Variants in TMC1 observed in about 807,000 individuals in gnomAD.
TMC1 encodes the protein transmembrane channel-like protein 1.
Under a neutral mutation model 105.8 loss-of-function variants are expected in TMC1, and 84 were observed. That is an observed-to-expected ratio of 0.79 (90% CI 0.67 to 0.95). The LOEUF is 0.95. Among genes scored for constraint, TMC1 ranks in the 40% least tolerant of loss-of-function variants. The probability of loss-of-function intolerance (pLI) is 0.00; values close to 1 mark genes in which losing one functional copy is unlikely to be tolerated. For missense variants in TMC1, 817 were observed against 914.1 expected, an observed-to-expected ratio of 0.89 and a Z score of 1.37; for synonymous variants, 315 against 311.5, an observed-to-expected ratio of 1.01 and a Z score of -0.12.
rs1222503212 is a variant in TMC1 at position 72,805,510 on chromosome 9, T to C, written c.1695T>C (p.Tyr565=). 1.3e-5 allele frequency: 21 copies of C among 1,609,236 alleles called. No homozygotes were observed. The highest frequency in any genetic ancestry group is 1.6e-5 in the Non-Finnish European group (19 of 1,177,900). The change falls in exon 18 of 24, where the codon TAT becomes TAC. Residue 565 remains tyrosine, a splice_region_variant and synonymous_variant. Transcript: ENST00000297784. ...YCWCWDLEYG[Y]PSYTEFDISG... Reference sequence around the variant, plus strand: ...GGTGCTGGGACTTGGAGTATGGATATGTAAGTATGATGTTAATTTTGCTTT... The same window carrying C: ...GGTGCTGGGACTTGGAGTATGGATACGTAAGTATGATGTTAATTTTGCTTT...
intron 1 of TMC1, among the ~76,000 whole-genome samples, chr9:72,564,231 T>C (rs1824108606): frequency 6.6e-6 from 1 of 152,156 alleles, no homozygotes; most frequent in Admixed American, 6.5e-5. Context: ...AGGGAAAACA[T>C]CAAATTATGT....
chr9:72,808,082 G>A (rs1296428042), intron 18 of TMC1, among the ~76,000 whole-genome samples: 2 of 152,194 alleles, frequency 1.3e-5, no homozygotes, highest in Non-Finnish European at 2.9e-5. Context: ...GTACTCATTT[G>A]CTTAAAATCT....
At chr9:72,713,706 G>C (rs2117918656) in intron 8 of TMC1, among the ~76,000 whole-genome samples, 1 of 150,794 alleles carries the variant, frequency 6.6e-6, no homozygotes, top group South Asian at 2.1e-4. Flanking sequence ...TTTCAAAAAA[G>C]CCAGCTCCTG....
chr9:72,522,024 T>A (rs753204270), intron 1 of TMC1, 111 bp downstream of exon 1: 4 of 152,242 alleles, frequency 2.6e-5, no homozygotes, highest in Non-Finnish European at 5.9e-5. Context: ...CTAATCACAT[T>A]AGTGAAATAA....
At chr9:72,792,724 AAAAC>A (rs750358653) in intron 17 of TMC1, among the ~76,000 whole-genome samples, 21 of 152,302 alleles carry the variant, frequency 1.4e-4, no homozygotes, top group East Asian at 5.8e-4. Flanking sequence ...AAAACAAAAC[AAAAC>A]AAACAAACAA....
At chr9:72,611,093 T>G (rs571480053) in intron 2 of TMC1, among the ~76,000 whole-genome samples, 16 of 152,362 alleles carry the variant, frequency 1.1e-4, no homozygotes, top group African/African-American at 3.6e-4. Context: ...ATGCACCAGT[T>G]GTATGGAAAC....
In TMC1 at chr9:72,757,500, T is replaced by C. The variant is rs190215805; in HGVS notation, c.741+2616T>C. On this transcript the variant is annotated intron_variant, in intron 12 of 23. Transcript: ENST00000297784. ...CTTGAGACCAGAAGTGTTTCATATT[T>C]CAAATTTTTTCAGATTTTGGCATAT... Among the ~76,000 whole-genome samples the C allele has an allele frequency of 2.7e-3, 417 of 152,332 alleles. 1 individual carries two copies. The highest frequency in any genetic ancestry group is 9.7e-3 in the African/African-American group (405 of 41,580).
At chr9:72,677,455 C>A (rs1425296067) in intron 5 of TMC1, among the ~76,000 whole-genome samples, 1 of 152,074 alleles carries the variant, frequency 6.6e-6, no homozygotes, top group Non-Finnish European at 1.5e-5. Context: ...ACAGACACAC[C>A]CAGAATAATC....
chr9:72,794,171 C>T (rs1351634851), intron 17 of TMC1, among the ~76,000 whole-genome samples: 1 of 152,084 alleles, frequency 6.6e-6, no homozygotes, highest in African/African-American at 2.4e-5. Flanking sequence ...GGAGTAATTG[C>T]TGACCTGCAT....
chr9:72,807,577 AT>A (rs2118250852), intron 18 of TMC1, among the ~76,000 whole-genome samples: 1 of 152,342 alleles, frequency 6.6e-6, no homozygotes, highest in African/African-American at 2.4e-5. Context: ...GTTTACTAGC[AT>A]TTCTAGAAGC....
chr9:72,745,963 G>T (rs1827482175), intron 10 of TMC1, among the ~76,000 whole-genome samples: 1 of 152,130 alleles, frequency 6.6e-6, no homozygotes, highest in Non-Finnish European at 1.5e-5. Flanking sequence ...AGTTTTACAT[G>T]TATATGTAGG....
At chr9:72,645,514 T>G (rs1361657647) in intron 4 of TMC1, among the ~76,000 whole-genome samples, 3 of 152,130 alleles carry the variant, frequency 2.0e-5, no homozygotes, top group Non-Finnish European at 4.4e-5. Context: ...TGGCAACAGT[T>G]TTTTGGATGT....
intron 4 of TMC1, among the ~76,000 whole-genome samples, chr9:72,641,628 A>G (rs1436323340): frequency 1.3e-5 from 2 of 151,836 alleles, no homozygotes; most frequent in African/African-American, 4.8e-5. Flanking sequence ...TCTGTCCCCA[A>G]GGTCCTGAAC....
chr9:72,703,083 G>A (rs1022546734), intron 8 of TMC1, among the ~76,000 whole-genome samples: 4 of 151,668 alleles, frequency 2.6e-5, no homozygotes, highest in East Asian at 1.9e-4. Context: ...CCATGAAATC[G>A]ATTTTCTTTA....
At chr9:72,798,621 G>A (rs1458407068) in intron 17 of TMC1, among the ~76,000 whole-genome samples, 1 of 152,028 alleles carries the variant, frequency 6.6e-6, no homozygotes, top group African/African-American at 2.4e-5. Flanking sequence ...TACTTATATG[G>A]GAGCTAAATT....
chr9:72,787,517 T>C (rs1828186524), intron 13 of TMC1, among the ~76,000 whole-genome samples: 1 of 152,078 alleles, frequency 6.6e-6, no homozygotes, highest in South Asian at 2.1e-4. Context: ...ATTTGTGTCA[T>C]ATGAAATTTT....
chr9:72,772,293 TC>T (rs1158117312), intron 12 of TMC1, 119 bp from the exon 13 acceptor site: 1 of 1,245,420 alleles, frequency 8.0e-7, no homozygotes, highest in African/African-American at 1.5e-5. Context: ...AGGGCTCATG[TC>T]AGAGCTGTGA....
intron 18 of TMC1, among the ~76,000 whole-genome samples, chr9:72,805,864 A>G (rs1248813258): frequency 6.6e-6 from 1 of 152,210 alleles, no homozygotes; most frequent in African/African-American, 2.4e-5. Context: ...GTTGGGGGCA[A>G]GGTCACAGAT....
intron 13 of TMC1, among the ~76,000 whole-genome samples, chr9:72,781,851 A>G (rs1828098551): frequency 6.6e-6 from 1 of 152,192 alleles, no homozygotes; most frequent in Admixed American, 6.5e-5. Context: ...GTCCTGGACC[A>G]GACAAATTCA....
Sources: gnomAD v4.1 joint callset for allele counts (sites outside exome capture counted in the v4.1 genomes callset) on GRCh38, gnomAD v4.1.1 for gene constraint, MANE v1.5 for transcripts, NCBI Gene and HGNC (gene_info 2026-07-23, HGNC 2026-07-21) for gene names.